KCNIP4: variants seen among roughly 807,000 people sequenced by gnomAD.
KCNIP4 encodes Kv channel-interacting protein 4.
In KCNIP4, 12 loss-of-function variants were observed where a neutral mutation model predicts 34.0. The observed-to-expected ratio is 0.35, with a 90% CI of 0.23 to 0.57. KCNIP4 has a LOEUF of 0.57. Ranked by LOEUF, KCNIP4 falls within the 20% of genes least tolerant of loss-of-function variation. KCNIP4 has a pLI of 0.83. For synonymous variants in KCNIP4, 124 were observed against 102.2 expected (o/e 1.21, Z -1.29); for missense variants, 238 against 311.7 (o/e 0.76, Z 1.78).
At chr4:21,191,027 A>G (rs1231952089) in intron 1 of KCNIP4, among the ~76,000 whole-genome samples, 1 of 152,244 alleles carries the variant, frequency 6.6e-6, no homozygotes, top group Non-Finnish European at 1.5e-5. Context: ...TAATAGCATT[A>G]CACTGAAATT....
At chr4:21,785,619 T>TAAAATA (rs1397518200) in intron 1 of KCNIP4, among the ~76,000 whole-genome samples, 10 of 122,528 alleles carry the variant, frequency 8.2e-5, no homozygotes, top group African/African-American at 4.6e-4. Context: ...ATAAATAAAA[T>TAAAATA]AAAAAAATAA....
At chr4:20,911,305 T>C (rs1728304777) in intron 1 of KCNIP4, among the ~76,000 whole-genome samples, 1 of 152,224 alleles carries the variant, frequency 6.6e-6, no homozygotes, top group Admixed American at 6.5e-5. Flanking sequence ...TACTGTCGTG[T>C]AAACTGTGTT....
chr4:20,811,498 TGTGTGTGTGTGTGTGTGC>T, intron 3 of KCNIP4, among the ~76,000 whole-genome samples: 1 of 93,192 alleles, frequency 1.1e-5, no homozygotes, highest in East Asian at 3.3e-4. Flanking sequence ...TGCATGTGTG[TGTGTGTGTGTGTGTGTGC>T]GCGCGCGCAC....
At chr4:21,176,766 C>G (rs1754443240) in intron 1 of KCNIP4, among the ~76,000 whole-genome samples, 1 of 152,194 alleles carries the variant, frequency 6.6e-6, no homozygotes, top group Non-Finnish European at 1.5e-5. Context: ...GGTGACCCAC[C>G]CACCTCGGCC....
intron 1 of KCNIP4, among the ~76,000 whole-genome samples, chr4:21,325,355 T>C (rs1434914911): frequency 6.6e-6 from 1 of 151,812 alleles, no homozygotes; most frequent in Non-Finnish European, 1.5e-5. Context: ...TGAACTTACC[T>C]ACTTATTTTA....
chr4:21,507,457 G>A (rs750956875), intron 1 of KCNIP4, among the ~76,000 whole-genome samples: 7 of 151,874 alleles, frequency 4.6e-5, no homozygotes, highest in Non-Finnish European at 8.8e-5. Flanking sequence ...GGGTTTGACC[G>A]TGTTGCCCAG....
intron 1 of KCNIP4, among the ~76,000 whole-genome samples, chr4:21,073,011 G>C (rs1425651182): frequency 6.6e-6 from 1 of 152,154 alleles, no homozygotes; most frequent in Non-Finnish European, 1.5e-5. Flanking sequence ...CTATATCTCT[G>C]TTTTGGTACA....
chr4:21,049,751 A>G (rs1393949308), intron 1 of KCNIP4, among the ~76,000 whole-genome samples: 2 of 152,196 alleles, frequency 1.3e-5, no homozygotes, highest in Non-Finnish European at 2.9e-5. Flanking sequence ...ACACATTCTC[A>G]GTGACCCCTA....
chr4:21,461,651 G>T (rs1001679306), intron 1 of KCNIP4, among the ~76,000 whole-genome samples: 1 of 151,964 alleles, frequency 6.6e-6, no homozygotes, highest in African/African-American at 2.4e-5. Flanking sequence ...AACATTCCCA[G>T]CTGCACCTTG....
chr4:21,727,379 G>A (rs934192388), intron 1 of KCNIP4, among the ~76,000 whole-genome samples: 5 of 152,112 alleles, frequency 3.3e-5, no homozygotes, highest in African/African-American at 1.2e-4. Flanking sequence ...CTTAGAAACA[G>A]ACAGCAGCCC....
intron 1 of KCNIP4, among the ~76,000 whole-genome samples, chr4:21,254,554 G>A (rs557894351): frequency 1.3e-5 from 2 of 152,172 alleles, no homozygotes; most frequent in East Asian, 3.9e-4. Context: ...AAATAAAAAT[G>A]CACTACATTT....
intron 1 of KCNIP4, among the ~76,000 whole-genome samples, chr4:21,511,061 A>G (rs1280870203): frequency 6.6e-6 from 1 of 151,884 alleles, no homozygotes; most frequent in East Asian, 1.9e-4. Context: ...AAATAAAATA[A>G]TAATAATAAA....
At chr4:21,188,517 G>A (rs1755404578) in intron 1 of KCNIP4, among the ~76,000 whole-genome samples, 2 of 151,926 alleles carry the variant, frequency 1.3e-5, no homozygotes, top group Admixed American at 6.6e-5. Context: ...TAAAACATAT[G>A]GTTTCTTGCT....
intron 1 of KCNIP4, among the ~76,000 whole-genome samples, chr4:21,283,496 A>G (rs1339689072): frequency 6.6e-6 from 1 of 151,738 alleles, no homozygotes; most frequent in Non-Finnish European, 1.5e-5. Flanking sequence ...TATATCATAG[A>G]TCTTTTCATT....
In KCNIP4 at chr4:21,126,219, GT is replaced by G. The variant is rs1274954479; in HGVS notation, c.62-243511del. On this transcript the variant is annotated intron_variant, in intron 1 of 8. Transcript: ENST00000382152. ...TATTATGTTATACAAATTAAGATCA[GT>G]GTTTGGAAGTCCAGGGCTGAAATCA... Among the ~76,000 whole-genome samples, 5 of 152,152 alleles carry G rather than the reference GT, an allele frequency of 3.3e-5. No homozygotes were observed. In the East Asian group the frequency reaches 9.7e-4, roughly 29 times the overall value.
At chr4:21,728,523 A>G (rs1331156875) in intron 1 of KCNIP4, among the ~76,000 whole-genome samples, 1 of 152,180 alleles carries the variant, frequency 6.6e-6, no homozygotes, top group Non-Finnish European at 1.5e-5. Context: ...TCTTAATGCA[A>G]TAACCAGAGT....
At chr4:21,823,172 A>C (rs1184043172) in intron 1 of KCNIP4, among the ~76,000 whole-genome samples, 1 of 152,196 alleles carries the variant, frequency 6.6e-6, no homozygotes, top group East Asian at 1.9e-4. Flanking sequence ...TGAAATTCAC[A>C]ATGTTCAAAC....
intron 1 of KCNIP4, among the ~76,000 whole-genome samples, chr4:21,859,090 T>C (rs1042427606): frequency 2.6e-5 from 4 of 152,152 alleles, no homozygotes; most frequent in Non-Finnish European, 5.9e-5. Context: ...TTATCAGACA[T>C]AGGACATAAG....
chr4:21,528,994 A>C (rs961904683), intron 1 of KCNIP4, among the ~76,000 whole-genome samples: 4 of 151,976 alleles, frequency 2.6e-5, no homozygotes, highest in Admixed American at 2.6e-4. Context: ...TTTCTGCAAA[A>C]GTTTTGCTGT....
Sources: gnomAD v4.1 joint callset for allele counts (sites outside exome capture counted in the v4.1 genomes callset) on GRCh38, gnomAD v4.1.1 for gene constraint, MANE v1.5 for transcripts, NCBI Gene and HGNC (gene_info 2026-07-23, HGNC 2026-07-21) for gene names.